The following AGPAT5 variants were observed in gnomAD, a reference collection of about 807,000 sequenced individuals.
AGPAT5 encodes 1-acylglycerol-3-phosphate O-acyltransferase 5.
AGPAT5 carries 46 observed loss-of-function variants against 45.6 expected under a neutral mutation model. That is an observed-to-expected ratio of 1.01 (90% CI 0.80 to 1.29). The LOEUF (loss-of-function observed/expected upper bound fraction) is 1.29. AGPAT5 is among the 50% of genes most tolerant of loss of function. AGPAT5 has a pLI of 0.00. For missense variants in AGPAT5, 673 were observed against 450.7 expected, an observed-to-expected ratio of 1.49 and a Z score of -4.47; for synonymous variants, 272 against 167.0, an observed-to-expected ratio of 1.63 and a Z score of -4.85.
chr8:6,737,274 G>A (rs934433388), intron 4 of AGPAT5, among the ~76,000 whole-genome samples: 4 of 152,204 alleles, frequency 2.6e-5, no homozygotes, highest in African/African-American at 9.7e-5. Flanking sequence ...CCCTGTGAGA[G>A]CGGATACATC....
intron 1 of AGPAT5, among the ~76,000 whole-genome samples, chr8:6,723,668 G>A (rs1195172142): frequency 2.6e-5 from 4 of 152,142 alleles, no homozygotes; most frequent in Admixed American, 1.3e-4. Flanking sequence ...TTATGTCATC[G>A]ATAAACTTTA....
chr8:6,732,713 T>G (rs1431077412), intron 4 of AGPAT5, 63 bp downstream of exon 4: 1 of 1,328,672 alleles, frequency 7.5e-7, no homozygotes, highest in Non-Finnish European at 1.0e-6. Flanking sequence ...AAGAATTAAA[T>G]TAAAATCTAA....
At position 6,747,967 on chromosome 8, in the gene AGPAT5, A is replaced by G. The variant is rs1587059663; in HGVS notation, c.745+139A>G. Reference sequence around the variant, plus strand: ...TACCCGGTATATTTTTCAAGATGTTATTAAGATGTAACAGTGGAGATTTCA... The same window carrying G: ...TACCCGGTATATTTTTCAAGATGTTGTTAAGATGTAACAGTGGAGATTTCA... On this transcript the variant is annotated intron_variant, in intron 6 of 7. Transcript: ENST00000285518. 9 of 928,136 alleles carry G rather than the reference A, an allele frequency of 9.7e-6. No individual in the cohort carries two copies. The East Asian group carries it at 1.6e-4, about 17-fold the overall frequency. 57.5% of individuals were successfully genotyped at this position (928,136 alleles called of 1,614,324 possible). A position where few individuals can be genotyped will look rare whatever the true frequency, so the allele number is the denominator to read the frequency against.
chr8:6,742,664 T>G (rs75826185), intron 5 of AGPAT5, among the ~76,000 whole-genome samples: 4,298 of 152,320 alleles, frequency 0.028, 138 homozygotes, highest in African/African-American at 0.073. Context: ...TGCATGAAAC[T>G]AATTTTTAAT....
rs535543772 is a variant in AGPAT5 at position 6,759,956 on chromosome 8, T to C, written c.*2568T>C. ...TGTCAAATGCCTTAAATTAACTAAG[T>C]TGGTGAATAAAAGTGCCGATCTGGC... is the stretch of plus-strand genomic sequence containing the variant. On this transcript the variant is annotated 3_prime_UTR_variant, in exon 8 of 8. Coordinates refer to ENST00000285518, the MANE Select transcript of AGPAT5 (RefSeq NM_018361.5). Among the ~76,000 whole-genome samples the C allele has an allele frequency of 2.6e-5, 4 of 152,372 alleles. No homozygotes were observed. Among genetic ancestry groups the C allele is most frequent in the African/African-American group, 7.2e-5 (3 of 41,596 alleles).
At chr8:6,717,300 A>C (rs1429825947) in intron 1 of AGPAT5, among the ~76,000 whole-genome samples, 1 of 152,186 alleles carries the variant, frequency 6.6e-6, no homozygotes, top group East Asian at 1.9e-4. Flanking sequence ...TTTGTGTATA[A>C]GTGTAAGTAA....
chr8:6,751,618 C>T (rs750553419), intron 6 of AGPAT5, among the ~76,000 whole-genome samples: 1 of 152,208 alleles, frequency 6.6e-6, no homozygotes, highest in Non-Finnish European at 1.5e-5. Flanking sequence ...TAAATCAAAG[C>T]CCACCTGGGC....
At chr8:6,716,626 G>C (rs1800340162) in intron 1 of AGPAT5, among the ~76,000 whole-genome samples, 1 of 152,110 alleles carries the variant, frequency 6.6e-6, no homozygotes, top group Non-Finnish European at 1.5e-5. Context: ...CTGAGGTCGG[G>C]AGTTCGAGAT....
At position 6,761,223 on chromosome 8, in the gene AGPAT5, T is replaced by C. The variant is rs1802033636; in HGVS notation, c.*3835T>C. Among the ~76,000 whole-genome samples, 1 of 152,228 alleles carries C rather than the reference T, an allele frequency of 6.6e-6. No homozygotes were observed. The highest frequency in any genetic ancestry group is 2.1e-4 in the South Asian group (1 of 4,832). On this transcript the variant is annotated 3_prime_UTR_variant, in exon 8 of 8. Coordinates refer to ENST00000285518, the MANE Select transcript of AGPAT5 (RefSeq NM_018361.5). Reference sequence around the variant, plus strand: ...TATGTGGAACAAACTCTCAACAAAATGTTTATTGATGTTGATGAAACAGAT... The same window carrying C: ...TATGTGGAACAAACTCTCAACAAAACGTTTATTGATGTTGATGAAACAGAT...
chr8:6,739,087 T>C (rs1801151409), intron 4 of AGPAT5, among the ~76,000 whole-genome samples: 1 of 152,162 alleles, frequency 6.6e-6, no homozygotes, highest in African/African-American at 2.4e-5. Flanking sequence ...ATAAGTAGAC[T>C]GAATATAGAT....
chr8:6,730,738 C>T lies in AGPAT5; in HGVS notation c.317C>T (p.Ala106Val), dbSNP rs1800834934. ...TVDWIVADIL[A>V]IRQNALGHVR... ...GACTGGATTGTTGCTGACATCTTGGCCATCAGGCAGAATGCGCTAGGACAT... is the reference window on the plus strand; with the variant it reads ...GACTGGATTGTTGCTGACATCTTGGTCATCAGGCAGAATGCGCTAGGACAT... The change falls in exon 3 of 8, where the codon GCC becomes GTC. Residue 106 changes from alanine (A) to valine (V), a missense_variant. Transcript: ENST00000285518. 7 of 1,613,066 alleles carry T rather than the reference C, an allele frequency of 4.3e-6. No individual in the cohort carries two copies. Among genetic ancestry groups the T allele is most frequent in the Non-Finnish European group, 5.9e-6 (7 of 1,179,388 alleles).
At chr8:6,737,724 A>G (rs1256753245) in intron 4 of AGPAT5, among the ~76,000 whole-genome samples, 1 of 152,256 alleles carries the variant, frequency 6.6e-6, no homozygotes, top group Non-Finnish European at 1.5e-5. Context: ...TGGTTTTGAA[A>G]TTAGATTCAG....
intron 3 of AGPAT5, among the ~76,000 whole-genome samples, chr8:6,731,214 GTTT>G (rs1800850754): frequency 6.6e-6 from 1 of 152,112 alleles, no homozygotes; most frequent in Non-Finnish European, 1.5e-5. Context: ...TGAATGTATG[GTTT>G]TTAAAATGGG....
At chr8:6,711,745 C>G (rs986885396) in intron 1 of AGPAT5, among the ~76,000 whole-genome samples, 8 of 152,172 alleles carry the variant, frequency 5.3e-5, no homozygotes, top group Admixed American at 5.2e-4. Flanking sequence ...GGAATCCGTT[C>G]TTGTGGGTTT....
intron 1 of AGPAT5, 22 bp from the exon 2 acceptor site, chr8:6,724,848 G>T: frequency 1.2e-6 from 1 of 807,698 alleles, no homozygotes; most frequent in Non-Finnish European, 1.8e-6. Flanking sequence ...TCAAAGTAAT[G>T]TTTTTTTGTT....
At chr8:6,756,689 G>T (rs1801848792) in intron 7 of AGPAT5, among the ~76,000 whole-genome samples, 1 of 151,936 alleles carries the variant, frequency 6.6e-6, no homozygotes, top group South Asian at 2.1e-4. Context: ...ATATATCAGG[G>T]ACTTGAGCAT....
chr8:6,733,253 C>G (rs1484793913), intron 4 of AGPAT5, among the ~76,000 whole-genome samples: 1 of 152,226 alleles, frequency 6.6e-6, no homozygotes, highest in Non-Finnish European at 1.5e-5. Context: ...CTTGGGCTTT[C>G]TCTTTCAGTA....
chr8:6,749,138 C>T (rs1801570443), intron 6 of AGPAT5, among the ~76,000 whole-genome samples: 1 of 152,076 alleles, frequency 6.6e-6, no homozygotes, highest in Admixed American at 6.5e-5. Context: ...TTCCAAAGTT[C>T]AGTGAGATTA....
intron 3 of AGPAT5, among the ~76,000 whole-genome samples, 194 bp from the exon 4 acceptor site, chr8:6,732,367 G>T (rs138805409): frequency 7.1e-4 from 108 of 152,196 alleles, no homozygotes; most frequent in African/African-American, 2.4e-3. Flanking sequence ...CAGTTTTTTT[G>T]AATTATGTTG....
Sources: gnomAD v4.1 joint callset for allele counts (sites outside exome capture counted in the v4.1 genomes callset) on GRCh38, gnomAD v4.1.1 for gene constraint, MANE v1.5 for transcripts, NCBI Gene and HGNC (gene_info 2026-07-23, HGNC 2026-07-21) for gene names.